Variants in FRMD4B observed in about 807,000 individuals in gnomAD.
FRMD4B encodes the protein FERM domain-containing protein 4B.
Under a neutral mutation model 141.5 loss-of-function variants are expected in FRMD4B, and 74 were observed. The observed-to-expected ratio is 0.52, with a 90% CI of 0.43 to 0.63. FRMD4B has a LOEUF of 0.63. Ranked by LOEUF, FRMD4B falls within the 30% of genes least tolerant of loss-of-function variation. The pLI, the probability that FRMD4B is intolerant of heterozygous loss-of-function variation, is 0.00. For missense variants in FRMD4B, 1,366 were observed against 1,253.4 expected (o/e 1.09, Z -1.36); for synonymous variants, 506 against 467.9 (o/e 1.08, Z -1.05).
rs531853340 is a variant in FRMD4B, at chr3:69,287,840, A to C, written c.417-4T>G. 12 of 1,456,454 alleles carry C rather than the reference A, an allele frequency of 8.2e-6. No homozygotes were observed. The highest frequency in any genetic ancestry group is 1.1e-5 in the Non-Finnish European group (12 of 1,047,556). The allele number at this position is 1,456,454 out of a possible 1,614,324, so 90.2% of individuals were successfully genotyped here. ...CGATATGCTCTCAATGTAAAACCTGAAAAACAGCAGAGGAGTTTGTTCCTT... is the reference window on the plus strand; with the variant it reads ...CGATATGCTCTCAATGTAAAACCTGCAAAACAGCAGAGGAGTTTGTTCCTT... On this transcript the variant is annotated splice_polypyrimidine_tract_variant and splice_region_variant and intron_variant, in intron 4 of 22. Transcript: ENST00000398540.
chr3:69,389,463 G>A (rs1704336188), upstream of FRMD4B, among the ~76,000 whole-genome samples: 1 of 152,172 alleles, frequency 6.6e-6, no homozygotes, highest in Admixed American at 6.5e-5. Context: ...CTTGTTTTCA[G>A]GGAGCAGTTC....
intron 11 of FRMD4B, among the ~76,000 whole-genome samples, chr3:69,213,870 G>A (rs2107717234): frequency 6.6e-6 from 1 of 151,818 alleles, no homozygotes; most frequent in Middle Eastern, 3.4e-3. Context: ...TAGAGATGGG[G>A]TCTTGTCACA....
chr3:69,489,980 A>C (rs545869715), intron 1 of FRMD4B, among the ~76,000 whole-genome samples: 89 of 152,344 alleles, frequency 5.8e-4, no homozygotes, highest in African/African-American at 2.0e-3. Context: ...GAAAAACCAC[A>C]ATCTTATGAT....
intron 4 of FRMD4B, among the ~76,000 whole-genome samples, chr3:69,298,338 T>G (rs1701100335): frequency 6.6e-6 from 1 of 152,248 alleles, no homozygotes; most frequent in Non-Finnish European, 1.5e-5. Context: ...CCAGTGAATG[T>G]GTAGTGAGTG....
At chr3:69,455,646 A>G (rs1317487764) in intron 1 of FRMD4B, among the ~76,000 whole-genome samples, 2 of 152,208 alleles carry the variant, frequency 1.3e-5, no homozygotes, top group African/African-American at 2.4e-5. Flanking sequence ...CCGTGGCTTC[A>G]TTCTTGAAGT....
At chr3:69,350,242 A>G (rs1157723310) in intron 1 of FRMD4B, among the ~76,000 whole-genome samples, 2 of 152,250 alleles carry the variant, frequency 1.3e-5, no homozygotes, top group Non-Finnish European at 2.9e-5. Flanking sequence ...ATCACTGGCC[A>G]TCAGAGAAAT....
In FRMD4B at chr3:69,193,651, G is replaced by T. The variant is rs150743530; in HGVS notation, c.1711C>A (p.Pro571Thr). 6.3e-7 allele frequency: 1 copy of T among 1,593,752 alleles called. No individual in the cohort carries two copies. Among genetic ancestry groups the T allele is most frequent in the Non-Finnish European group, 8.6e-7 (1 of 1,163,306 alleles). ...AAAAACCTTACTTATTACTAACCTG[G>T]TAACACTGTTGCTTTCTGGCTGGGT... Reference protein sequence around the residue: ...KKPSQKATVLPEDIIPSESSS... With the variant: ...KKPSQKATVLTEDIIPSESSS... The change falls in exon 17 of 23, where the codon CCA becomes ACA. Residue 571 changes from proline to threonine, a missense_variant. Pro to Thr is a conservative substitution (Grantham distance 38). Coordinates refer to ENST00000398540, the MANE Select transcript of FRMD4B (RefSeq NM_015123.3).
chr3:69,512,124 G>T (rs1706699451), intron 1 of FRMD4B, among the ~76,000 whole-genome samples: 1 of 152,198 alleles, frequency 6.6e-6, no homozygotes, highest in Non-Finnish European at 1.5e-5. Context: ...AGAAGAAGCT[G>T]CAGAGGTAAG....
chr3:69,233,419 G>A (rs2093324121), intron 7 of FRMD4B, among the ~76,000 whole-genome samples: 1 of 151,580 alleles, frequency 6.6e-6, no homozygotes, highest in African/African-American at 2.4e-5. Context: ...GGGAGTTCGA[G>A]GCTGCAATGA....
At chr3:69,414,706 G>C (rs377670934) in intron 2 of FRMD4B, among the ~76,000 whole-genome samples, 1 of 152,200 alleles carries the variant, frequency 6.6e-6, no homozygotes, top group Non-Finnish European at 1.5e-5. Context: ...ATGAGGTCAA[G>C]GGTGTGCCCA....
At chr3:69,537,846 C>T (rs938036479) in intron 1 of FRMD4B, among the ~76,000 whole-genome samples, 4 of 152,228 alleles carry the variant, frequency 2.6e-5, no homozygotes, top group Non-Finnish European at 5.9e-5. Context: ...CTGTGGTGAA[C>T]ATTTATTCCA....
rs191616157 is a variant in FRMD4B at position 69,492,164 on chromosome 3, T to C, written c.-129+50042A>G. On this transcript the variant is annotated intron_variant, in intron 1 of 5. Transcript: ENST00000459638. ...GCATGCTTGGGGAGGCGGCAGAGCA[T>C]GTGGTATGACCACATGCAGAGTGAA... 4.6e-5 allele frequency among the ~76,000 whole-genome samples: 7 copies of C among 152,316 alleles called. No individual in the cohort carries two copies. The East Asian group carries it at 1.4e-3, about 29-fold the overall frequency.
chr3:69,458,873 AGG>A (rs1316217752), intron 1 of FRMD4B, among the ~76,000 whole-genome samples: 2 of 147,328 alleles, frequency 1.4e-5, no homozygotes, highest in African/African-American at 2.5e-5. Flanking sequence ...AAAAAAAAAA[AGG>A]AGTCTAATTT....
chr3:69,456,152 A>T (rs1317614092), intron 1 of FRMD4B, among the ~76,000 whole-genome samples: 1 of 152,134 alleles, frequency 6.6e-6, no homozygotes, highest in East Asian at 1.9e-4. Context: ...AACATCTGAA[A>T]CAGGGCTCCC....
In FRMD4B at chr3:69,170,353, T is replaced by C. The variant is rs2092572197; in HGVS notation, c.*1508A>G. ...AACAATAAAAGAATATGCAAAAAGGTTATTTCTGATTCTAGAAGGCTATAC... is the reference window on the plus strand; with the variant it reads ...AACAATAAAAGAATATGCAAAAAGGCTATTTCTGATTCTAGAAGGCTATAC... On this transcript the variant is annotated 3_prime_UTR_variant, in exon 23 of 23. Transcript: ENST00000398540. The C allele has an allele frequency of 6.6e-6, 1 of 152,122 alleles. No homozygotes were observed. The allele number at this position is 152,122 out of a possible 1,614,324, so 9.4% of individuals were successfully genotyped here. A position where few individuals can be genotyped will look rare whatever the true frequency, so the allele number is the denominator to read the frequency against.
intron 19 of FRMD4B, among the ~76,000 whole-genome samples, chr3:69,185,300 C>CAAAAAA (rs1237352393): frequency 1.5e-5 from 1 of 67,924 alleles, no homozygotes; most frequent in African/African-American, 5.0e-5. Flanking sequence ...GACTCCGTCT[C>CAAAAAA]AAAAAAAAAA....
chr3:69,187,862 T>C lies in FRMD4B; in HGVS notation c.1827A>G (p.Pro609=), dbSNP rs748933843. 1.9e-6 allele frequency: 3 copies of C among 1,610,690 alleles called. No homozygotes were observed. Among genetic ancestry groups the C allele is most frequent in the South Asian group, 2.2e-5 (2 of 90,534 alleles). ...CAAGAGACTTGGGGGGAAGAATTCTTGGAGAATGAGGTACTGAACTTGATC... is the reference window on the plus strand; with the variant it reads ...CAAGAGACTTGGGGGGAAGAATTCTCGGAGAATGAGGTACTGAACTTGATC... ...GQRSSSVPHS[P]RILPPKSLGI... The change falls in exon 19 of 23, where the codon CCA becomes CCG. Residue 609 remains proline (P), a synonymous_variant. Transcript: ENST00000398540.
intron 3 of FRMD4B, among the ~76,000 whole-genome samples, chr3:69,310,975 C>A (rs916734404): frequency 6.6e-6 from 1 of 152,136 alleles, no homozygotes; most frequent in Non-Finnish European, 1.5e-5. Flanking sequence ...CAAGCACAAT[C>A]ACATTCAAAG....
At chr3:69,213,007 C>T (rs2093101501) in intron 11 of FRMD4B, among the ~76,000 whole-genome samples, 1 of 152,058 alleles carries the variant, frequency 6.6e-6, no homozygotes, top group African/African-American at 2.4e-5. Context: ...AAACTCTCTC[C>T]ACTCCTACAA....
Sources: allele counts gnomAD v4.1 joint callset (sites outside exome capture counted in the v4.1 genomes callset), GRCh38; gene constraint gnomAD v4.1.1; transcripts MANE v1.5; gene names NCBI Gene and HGNC (gene_info 2026-07-23, HGNC 2026-07-21).